TMX2: variants seen among roughly 807,000 people sequenced by gnomAD.
TMX2 encodes thioredoxin-related transmembrane protein 2.
TMX2 carries 20 observed loss-of-function variants against 33.4 expected under a neutral mutation model. The ratio of observed to expected loss-of-function variants is 0.60; its 90% confidence interval spans 0.42 to 0.87. The LOEUF (loss-of-function observed/expected upper bound fraction) is 0.87. TMX2 is among the 40% of genes least tolerant of loss of function. The probability of loss-of-function intolerance (pLI) is 0.00; values close to 1 mark genes in which losing one functional copy is unlikely to be tolerated. For synonymous variants in TMX2, 166 were observed against 140.7 expected (o/e 1.18, Z -1.27); for missense variants, 340 against 370.7 (o/e 0.92, Z 0.68).
chr11:57,738,038 G>T lies in TMX2; in HGVS notation c.364+12G>T. The T allele has an allele frequency of 1.3e-6, 2 of 1,555,934 alleles. No individual in the cohort carries two copies. Among genetic ancestry groups the T allele is most frequent in the South Asian group, 2.4e-5 (2 of 82,530 alleles). On this transcript the variant is annotated intron_variant, in intron 3 of 7. Transcript: ENST00000278422. ...CACACTCTGCATAGGTGAGGAGACT[G>T]CCTTTCTTTCTTTTTTTTTTTTTGT...
At chr11:57,718,195 T>G in intron 1 of TMX2, 1 of 1,340,520 alleles carries the variant, frequency 7.5e-7, no homozygotes, top group Non-Finnish European at 1.1e-6. Context: ...GCAGTGTAGA[T>G]GAAAAGCTGG....
At chr11:57,736,752 G>A (rs117516581) in intron 1 of TMX2, among the ~76,000 whole-genome samples, 3 of 152,046 alleles carry the variant, frequency 2.0e-5, no homozygotes, top group Admixed American at 1.3e-4. Context: ...GCCAGGTACA[G>A]TAGTGTGCGC....
chr11:57,727,499 C>G (rs1264522196), intron 1 of TMX2, among the ~76,000 whole-genome samples: 3 of 152,180 alleles, frequency 2.0e-5, no homozygotes, highest in African/African-American at 7.2e-5. Flanking sequence ...TCTAAGGGGT[C>G]TGGGTAATCA....
chr11:57,732,183 T>G (rs7117020), intron 1 of TMX2, among the ~76,000 whole-genome samples: 61,905 of 152,004 alleles, frequency 0.41, 13,086 homozygotes, highest in Middle Eastern at 0.48. Context: ...ATCTGCCTTT[T>G]GTCAGCTCAT....
intron 1 of TMX2, among the ~76,000 whole-genome samples, chr11:57,721,815 ATG>A: frequency 6.6e-6 from 1 of 152,154 alleles, no homozygotes; most frequent in East Asian, 1.9e-4. Flanking sequence ...GATGGTGTTT[ATG>A]TGTGTGTTTC....
intron 1 of TMX2, chr11:57,717,968 A>C: frequency 2.7e-6 from 2 of 731,362 alleles, no homozygotes; most frequent in Admixed American, 1.9e-5. Flanking sequence ...CAAATGGGGT[A>C]GAGGGGTGCT....
intron 1 of TMX2, among the ~76,000 whole-genome samples, chr11:57,716,285 G>A (rs1335260996): frequency 2.1e-5 from 3 of 144,958 alleles, no homozygotes; most frequent in Non-Finnish European, 3.1e-5. Flanking sequence ...CCTCCCTCCC[G>A]GATGTGGGGC....
At chr11:57,724,737 T>G (rs1156733613) in intron 1 of TMX2, among the ~76,000 whole-genome samples, 1 of 151,998 alleles carries the variant, frequency 6.6e-6, no homozygotes, top group Non-Finnish European at 1.5e-5. Flanking sequence ...CCTAAATGTC[T>G]TATGAAAATG....
intron 1 of TMX2, among the ~76,000 whole-genome samples, chr11:57,717,128 C>A (rs1947167417): frequency 6.7e-6 from 1 of 149,788 alleles, no homozygotes; most frequent in African/African-American, 2.5e-5. Flanking sequence ...AGACGCTCCT[C>A]ACTTCCCAGA....
chr11:57,738,950 T>C, intron 5 of TMX2, 24 bp from the exon 6 acceptor site: 1 of 1,606,884 alleles, frequency 6.2e-7, no homozygotes, highest in Non-Finnish European at 8.5e-7. Flanking sequence ...TTTTTCAGCA[T>C]ATTAAATAAT....
chr11:57,739,764 AAAAG>A (rs1374156009), intron 7 of TMX2, among the ~76,000 whole-genome samples: 1 of 152,116 alleles, frequency 6.6e-6, no homozygotes, highest in Non-Finnish European at 1.5e-5. Context: ...GAAAAAAAAA[AAAAG>A]ATTCTGTCTC....
At position 57,738,375 on chromosome 11, in the gene TMX2, C is replaced by G. The variant is rs1375302800; in HGVS notation, c.386C>G (p.Pro129Arg). 1 of 1,610,708 alleles carries G rather than the reference C, an allele frequency of 6.2e-7. No homozygotes were observed. The highest frequency in any genetic ancestry group is 1.1e-5 in the South Asian group (1 of 90,978). ...LCIVFLMTCK[P>R]PLYMGPEYIK... is the part of the protein sequence containing the mutation. ...TTAGTGTTCCTGATGACGTGCAAACCCCCCCTATATATGGGCCCTGAGTAT... is the reference window on the plus strand; with the variant it reads ...TTAGTGTTCCTGATGACGTGCAAACGCCCCCTATATATGGGCCCTGAGTAT... Residue 129 changes from proline (P) to arginine (R), a missense_variant, in exon 4 of 8, where the codon CCC becomes CGC. By Grantham distance (103) the Pro-to-Arg change is moderately radical. This residue lies in a region of TMX2 where 209 missense variants were observed against 241.6 expected (regional missense o/e 0.87). Coordinates refer to ENST00000278422, the MANE Select transcript of TMX2 (RefSeq NM_015959.4).
chr11:57,726,958 G>A (rs1375617920), intron 1 of TMX2, among the ~76,000 whole-genome samples: 1 of 152,146 alleles, frequency 6.6e-6, no homozygotes, highest in African/African-American at 2.4e-5. Flanking sequence ...GATGCATGCA[G>A]GGTTTTTCCT....
chr11:57,731,964 A>T (rs1948437030), intron 1 of TMX2, among the ~76,000 whole-genome samples: 1 of 152,226 alleles, frequency 6.6e-6, no homozygotes, highest in Admixed American at 6.5e-5. Context: ...TTTGGGGAGA[A>T]AAAGAATCAG....
At chr11:57,739,969 G>C (rs941462835) in intron 7 of TMX2, 130 bp from the exon 8 acceptor site, 33 of 1,283,066 alleles carry the variant, frequency 2.6e-5, no homozygotes, top group Non-Finnish European at 3.5e-5. Flanking sequence ...AAAAGAGGAA[G>C]GTTAGGGAAG....
At chr11:57,718,986 A>G (rs964109891) in intron 1 of TMX2, among the ~76,000 whole-genome samples, 2 of 148,396 alleles carry the variant, frequency 1.3e-5, no homozygotes, top group Non-Finnish European at 3.0e-5. Context: ...CTTTCTGGTC[A>G]GAAGTTGGCT....
intron 1 of TMX2, among the ~76,000 whole-genome samples, chr11:57,723,835 TAAG>T (rs898219333): frequency 6.7e-6 from 1 of 148,156 alleles, no homozygotes; most frequent in Admixed American, 6.7e-5. Flanking sequence ...ATAATAATAA[TAAG>T]CTAAGAGTTG....
At position 57,712,697 on chromosome 11, in the gene TMX2, C is replaced by T. The variant is rs375172173; in HGVS notation, c.79C>T (p.Leu27Phe). The T allele has an allele frequency of 2.1e-5, 34 of 1,614,080 alleles. No homozygotes were observed. Among genetic ancestry groups the T allele is most frequent in the Middle Eastern group, 3.3e-4 (2 of 6,084 alleles). ...ACGATGGCTCGCCCAACCTTACTAC[C>T]TTCTGTCGGCCCTGCTCTCTGCTGC... ...LSRWLAQPYY[L>F]LSALLSAAFL... The change falls in exon 1 of 8, where the codon CTT becomes TTT. Residue 27 changes from leucine to phenylalanine, a missense_variant. By Grantham distance (22) the Leu-to-Phe change is conservative. This residue lies in a region of TMX2 where 106 missense variants were observed against 82.7 expected (regional missense o/e 1.28). Transcript: ENST00000278422.
rs1946683473 is a variant in TMX2, at chr11:57,712,713, T to C, written c.95T>C (p.Leu32Pro). 3 of 1,614,162 alleles carry C rather than the reference T, an allele frequency of 1.9e-6. No individual in the cohort carries two copies. The highest frequency in any genetic ancestry group is 2.5e-6 in the Non-Finnish European group (3 of 1,180,028). The change falls in exon 1 of 8, where the codon CTC (leucine) becomes CCC (proline). Residue 32 changes from leucine (L) to proline (P), a missense_variant. Leu to Pro is a moderately conservative substitution (Grantham distance 98). This residue lies in a region of TMX2 where 106 missense variants were observed against 82.7 expected (regional missense o/e 1.28). Transcript: ENST00000278422. Reference protein sequence around the residue: ...AQPYYLLSALLSAAFLLVRKL... With the variant: ...AQPYYLLSALPSAAFLLVRKL... ...CCTTACTACCTTCTGTCGGCCCTGC[T>C]CTCTGCTGCCTTCCTACTCGTGAGG...
Sources: allele counts gnomAD v4.1 joint callset (sites outside exome capture counted in the v4.1 genomes callset), GRCh38; gene constraint gnomAD v4.1.1; regional missense constraint gnomAD v4.1.1; transcripts MANE v1.5; gene names NCBI Gene and HGNC (gene_info 2026-07-23, HGNC 2026-07-21).